The following GPALPP1 variants were observed in gnomAD, a reference collection of about 807,000 sequenced individuals.
GPALPP1 encodes the protein GPALPP motifs containing 1, also known as GPALPP motifs-containing protein 1.
Under a neutral mutation model 38.9 loss-of-function variants are expected in GPALPP1, and 30 were observed. The observed-to-expected ratio is 0.77, with a 90% CI of 0.58 to 1.05. The LOEUF (loss-of-function observed/expected upper bound fraction) is 1.05. Ranked by LOEUF, GPALPP1 falls within the 50% of genes least tolerant of loss-of-function variation. The probability of loss-of-function intolerance (pLI) is 0.00; values close to 1 mark genes in which losing one functional copy is unlikely to be tolerated. For missense variants in GPALPP1, 384 were observed against 408.8 expected, an observed-to-expected ratio of 0.94 and a Z score of 0.52; for synonymous variants, 120 against 139.2, an observed-to-expected ratio of 0.86 and a Z score of 0.97.
In GPALPP1 at chr13:45,029,758, T is replaced by C. The variant is rs1876097132; in HGVS notation, c.*1755T>C. ...TTGCCTGTTTTGTAATCAGTTTGCT[T>C]GTTTTAGCACTCAGGGCTTTTTATT... is the stretch of plus-strand genomic sequence containing the variant. On this transcript the variant is annotated 3_prime_UTR_variant, in exon 8 of 8. Transcript: ENST00000379151. 1 of 152,228 alleles carries C rather than the reference T, an allele frequency of 6.6e-6. No homozygotes were observed. 9.4% of individuals were successfully genotyped at this position (152,228 alleles called of 1,614,324 possible).
At chr13:45,024,174 T>TGC (rs1875634085) in intron 7 of GPALPP1, among the ~76,000 whole-genome samples, 1 of 130,654 alleles carries the variant, frequency 7.7e-6, no homozygotes. Context: ...TGTGTGTGTG[T>TGC]GTGTGTGTGT....
chr13:45,012,867 A>G (rs550866940), intron 4 of GPALPP1, among the ~76,000 whole-genome samples: 3 of 152,294 alleles, frequency 2.0e-5, no homozygotes, highest in African/African-American at 7.2e-5. Flanking sequence ...GACATACACA[A>G]TAATATTAAT....
chr13:45,000,895 T>C (rs1194880968), intron 1 of GPALPP1, among the ~76,000 whole-genome samples: 2 of 152,230 alleles, frequency 1.3e-5, no homozygotes, highest in African/African-American at 2.4e-5. Context: ...CTTAGAGTTA[T>C]TCTTTTCTAA....
chr13:44,995,779 G>A (rs1873223895), intron 1 of GPALPP1, among the ~76,000 whole-genome samples: 1 of 152,186 alleles, frequency 6.6e-6, no homozygotes, highest in Admixed American at 6.5e-5. Flanking sequence ...CTCTGATTCA[G>A]GTGATCTGGG....
At chr13:45,003,818 A>C (rs1041995636) in intron 1 of GPALPP1, among the ~76,000 whole-genome samples, 1 of 152,042 alleles carries the variant, frequency 6.6e-6, no homozygotes, top group African/African-American at 2.4e-5. Flanking sequence ...TTCTGCTTGG[A>C]AAATCATCTC....
chr13:44,989,855 G>A, intron 1 of GPALPP1, 113 bp downstream of exon 1: 1 of 761,854 alleles, frequency 1.3e-6, no homozygotes, highest in East Asian at 2.7e-5. Context: ...GGGAGTGGGC[G>A]CGGCCTGACC....
rs755746656 is a variant in GPALPP1 at position 45,006,264 on chromosome 13, T to G, written c.284T>G (p.Leu95Arg). The change falls in exon 3 of 8, where the codon CTT (leucine) becomes CGT (arginine). Residue 95 changes from leucine (L) to arginine (R), a missense_variant. Physicochemically the swap from Leu to Arg is moderately radical, Grantham distance 102. Transcript: ENST00000379151. ...DDDDGFFGPA[L>R]PPGFKKQDDS... Reference sequence around the variant, plus strand: ...GATGATGGGTTTTTTGGACCAGCCCTTCCTCCTGGATTTAAAAAGCAGGAT... The same window carrying G: ...GATGATGGGTTTTTTGGACCAGCCCGTCCTCCTGGATTTAAAAAGCAGGAT... The G allele has an allele frequency of 3.7e-6, 6 of 1,608,178 alleles. No homozygotes were observed. The highest frequency in any genetic ancestry group is 5.1e-6 in the Non-Finnish European group (6 of 1,175,618).
Position 44,989,924 on chromosome 13 carries a change from T to C in GPALPP1, c.88+182T>C, listed in dbSNP as rs1872659450. On this transcript the variant is annotated intron_variant, in intron 1 of 7. Transcript: ENST00000379151. The stretch of plus-strand genomic sequence containing the variant: ...GGGGGAGGAGGCTGGGGGACCCTCC[T>C]AGAAACGAGCTTTGGCGTGGTTTGG... 8 of 597,534 alleles carry C rather than the reference T, an allele frequency of 1.3e-5. No homozygotes were observed. In the South Asian group the frequency reaches 1.6e-4, roughly 12 times the overall value. 37.0% of individuals were successfully genotyped at this position (597,534 alleles called of 1,614,324 possible). A position where few individuals can be genotyped will look rare whatever the true frequency, so the allele number is the denominator to read the frequency against.
intron 4 of GPALPP1, among the ~76,000 whole-genome samples, chr13:45,010,680 GAA>G (rs1874406047): frequency 6.6e-6 from 1 of 152,186 alleles, no homozygotes; most frequent in Non-Finnish European, 1.5e-5. Context: ...AATGTAATCT[GAA>G]AATGAGAAAA....
chr13:45,028,038 G>A lies in GPALPP1; in HGVS notation c.*35G>A. On this transcript the variant is annotated 3_prime_UTR_variant, in exon 8 of 8. Coordinates refer to ENST00000379151, the MANE Select transcript of GPALPP1 (RefSeq NM_018559.5). ...TTTCAGTGAGGTATATTTTAATACT[G>A]ATCAATGTGAACTTTTCTAAATACT... The A allele has an allele frequency of 9.5e-7, 1 of 1,047,498 alleles. No individual in the cohort carries two copies. The highest frequency in any genetic ancestry group is 1.4e-5 in the South Asian group (1 of 71,778). 64.9% of individuals were successfully genotyped at this position (1,047,498 alleles called of 1,614,324 possible). A position where few individuals can be genotyped will look rare whatever the true frequency, so the allele number is the denominator to read the frequency against.
rs758434067 is a variant in GPALPP1, at chr13:45,014,947, A to C, written c.409-5A>C. On this transcript the variant is annotated splice_region_variant and splice_polypyrimidine_tract_variant and intron_variant, in intron 4 of 7. Coordinates refer to ENST00000379151, the MANE Select transcript of GPALPP1 (RefSeq NM_018559.5). ...TGGTTTAAAGGTAATGTCTTGTTTT[A>C]AAAGGAAACAGACAGCAGTGAAGAT... The C allele has an allele frequency of 6.3e-7, 1 of 1,576,454 alleles. No homozygotes were observed. Among genetic ancestry groups the C allele is most frequent in the Non-Finnish European group, 8.6e-7 (1 of 1,162,406 alleles).
At chr13:45,008,980 A>G (rs1372663677) in intron 4 of GPALPP1, 101 bp downstream of exon 4, 1 of 732,360 alleles carries the variant, frequency 1.4e-6, no homozygotes, top group Non-Finnish European at 2.5e-6. Context: ...AGTTACTACA[A>G]CCACTGGACT....
rs139809890 is a variant in GPALPP1, at chr13:45,019,261, C to T, written c.706-1069C>T. Among the ~76,000 whole-genome samples, 850 of 151,442 alleles carry T rather than the reference C, an allele frequency of 5.6e-3. 5 individuals carry two copies. The highest frequency in any genetic ancestry group is 0.019 in the African/African-American group (782 of 41,180). ...CTTCCAGGTTCAAGCAATTCTTGTGCCTCAGCCTCCTGAATAGCTGGGACC... is the reference window on the plus strand; with the variant it reads ...CTTCCAGGTTCAAGCAATTCTTGTGTCTCAGCCTCCTGAATAGCTGGGACC... On this transcript the variant is annotated intron_variant, in intron 6 of 7. Transcript: ENST00000379151.
Position 45,015,074 on chromosome 13 carries a change from A to G in GPALPP1, c.531A>G (p.Lys177=). The change falls in exon 5 of 8, where the codon AAA becomes AAG. Residue 177 remains lysine (K), a synonymous_variant. Transcript: ENST00000379151. ...RAQRMKEKLT[K]GDDDSSKPIV... The stretch of plus-strand genomic sequence containing the variant: ...AGAGAATGAAAGAAAAACTGACCAA[A>G]GGAGATGATGTAAGTTTTAAAAACA... 1 of 1,598,600 alleles carries G rather than the reference A, an allele frequency of 6.3e-7. No homozygotes were observed. Among genetic ancestry groups the G allele is most frequent in the Non-Finnish European group, 8.5e-7 (1 of 1,170,036 alleles).
intron 3 of GPALPP1, among the ~76,000 whole-genome samples, chr13:45,008,345 A>G (rs1046978005): frequency 5.9e-5 from 9 of 152,194 alleles, no homozygotes; most frequent in African/African-American, 2.2e-4. Flanking sequence ...GAAGAACTCA[A>G]TTTCTACTTT....
chr13:44,989,691 G>C lies in GPALPP1; in HGVS notation c.37G>C (p.Gly13Arg). Residue 13 changes from glycine to arginine, a missense_variant, in exon 1 of 8, where the codon GGC becomes CGC. By Grantham distance (125) the Gly-to-Arg change is moderately radical. Coordinates refer to ENST00000379151, the MANE Select transcript of GPALPP1 (RefSeq NM_018559.5). ...RDLIGPALPP[G>R]FKARGTAEDE... is the part of the protein sequence containing the mutation. ...CCTGATCGGACCGGCCCTGCCGCCC[G>C]GCTTCAAGGCCCGCGGAACAGCGGA... is the stretch of plus-strand genomic sequence containing the variant. The C allele has an allele frequency of 1.9e-6, 3 of 1,612,238 alleles. No homozygotes were observed. Among genetic ancestry groups the C allele is most frequent in the Non-Finnish European group, 2.5e-6 (3 of 1,179,924 alleles).
At chr13:44,997,091 CT>C (rs74521338) in intron 1 of GPALPP1, among the ~76,000 whole-genome samples, 18,740 of 141,474 alleles carry the variant, frequency 0.13, 1,216 homozygotes, top group African/African-American at 0.2. Context: ...CAGTATTTGT[CT>C]TTTTTTTTTT....
chr13:45,001,192 T>G (rs939828715), intron 1 of GPALPP1, among the ~76,000 whole-genome samples: 6 of 152,148 alleles, frequency 3.9e-5, no homozygotes, highest in Admixed American at 2.0e-4. Flanking sequence ...TATAAGGGGC[T>G]TCTCCCCCTT....
intron 7 of GPALPP1, among the ~76,000 whole-genome samples, chr13:45,024,501 GT>G (rs1228869997): frequency 6.6e-6 from 1 of 151,768 alleles, no homozygotes; most frequent in African/African-American, 2.4e-5. Context: ...GTTTCACTGT[GT>G]TAGCCAGGCT....
Sources: gnomAD v4.1 joint callset for allele counts (sites outside exome capture counted in the v4.1 genomes callset) on GRCh38, gnomAD v4.1.1 for gene constraint, MANE v1.5 for transcripts, NCBI Gene and HGNC (gene_info 2026-07-23, HGNC 2026-07-21) for gene names.